The following RNLS variants were observed in gnomAD, a reference collection of about 807,000 sequenced individuals.
RNLS encodes renalase.
A neutral mutation model predicts 39.8 loss-of-function variants in RNLS; 39 were observed. The ratio of observed to expected loss-of-function variants is 0.98; its 90% CI spans 0.76 to 1.28. RNLS has a LOEUF of 1.28. Ranked by LOEUF, RNLS falls within the 50% of genes most tolerant of loss-of-function variation. The probability of loss-of-function intolerance (pLI) is 0.00; values close to 1 mark genes in which losing one functional copy is unlikely to be tolerated. For missense variants in RNLS, 410 were observed against 413.3 expected, an observed-to-expected ratio of 0.99 and a Z score of 0.07; for synonymous variants, 147 against 150.7, an observed-to-expected ratio of 0.98 and a Z score of 0.18.
At chr10:88,221,113 C>G in the RNLS span, among the ~76,000 whole-genome samples, 1 of 152,202 alleles carries the variant, frequency 6.6e-6, no homozygotes, top group Non-Finnish European at 1.5e-5. Context: ...TTGGCATGCC[C>G]TCCTTTCTTC....
At chr10:88,545,602 G>C in intron 4 of RNLS, 1 of 383,096 alleles carries the variant, frequency 2.6e-6, no homozygotes, top group Non-Finnish European at 5.3e-6. Context: ...CCCATGACAC[G>C]TGGGGATTAT....
chr10:88,291,310 A>G (rs1843658073), intron 6 of RNLS, among the ~76,000 whole-genome samples: 1 of 152,164 alleles, frequency 6.6e-6, no homozygotes, highest in African/African-American at 2.4e-5. Flanking sequence ...AGCTCACCCA[A>G]ATGAGCAGCG....
chr10:88,365,031 C>G (rs978833427), intron 4 of RNLS, among the ~76,000 whole-genome samples: 1 of 152,030 alleles, frequency 6.6e-6, no homozygotes, highest in Non-Finnish European at 1.5e-5. Flanking sequence ...CTCCCCACCC[C>G]CCTTTTTGCT....
At chr10:88,367,484 G>A (rs1850216930) in intron 4 of RNLS, among the ~76,000 whole-genome samples, 1 of 152,052 alleles carries the variant, frequency 6.6e-6, no homozygotes, top group Non-Finnish European at 1.5e-5. Flanking sequence ...ATGAACATAG[G>A]GATTGTTTGT....
At chr10:88,277,577 T>C (rs1007929128) in intron 6 of RNLS, among the ~76,000 whole-genome samples, 13 of 152,334 alleles carry the variant, frequency 8.5e-5, no homozygotes, top group African/African-American at 2.9e-4. Flanking sequence ...AGAAGAGTTA[T>C]TGACCTTTGA....
intron 4 of RNLS, among the ~76,000 whole-genome samples, chr10:88,502,301 A>G (rs1244486459): frequency 2.6e-5 from 2 of 76,992 alleles, no homozygotes; most frequent in Non-Finnish European, 4.8e-5. Flanking sequence ...GAGGTGGGGT[A>G]GGGTTGAATG....
intron 5 of RNLS, among the ~76,000 whole-genome samples, chr10:88,350,657 G>A (rs886496821): frequency 5.9e-5 from 9 of 152,150 alleles, no homozygotes; most frequent in African/African-American, 2.2e-4. Flanking sequence ...TTGGTTCCAA[G>A]TCTTTGCTAT....
At chr10:88,347,194 T>G (rs1848365155) in intron 5 of RNLS, among the ~76,000 whole-genome samples, 1 of 152,184 alleles carries the variant, frequency 6.6e-6, no homozygotes, top group Non-Finnish European at 1.5e-5. Flanking sequence ...TCCAGAATGA[T>G]GAAAACCAGG....
intron 6 of RNLS, among the ~76,000 whole-genome samples, chr10:88,275,441 A>G (rs1842780473): frequency 6.6e-6 from 1 of 152,202 alleles, no homozygotes; most frequent in Non-Finnish European, 1.5e-5. Flanking sequence ...ACAAGGGTAA[A>G]AAGAGAAATG....
At chr10:88,529,293 T>C (rs1196537402) in intron 4 of RNLS, among the ~76,000 whole-genome samples, 1 of 152,298 alleles carries the variant, frequency 6.6e-6, no homozygotes, top group Admixed American at 6.5e-5. Context: ...ATAAATTGTA[T>C]AGGGGCAGGT....
At chr10:88,256,559 G>T in the RNLS span, among the ~76,000 whole-genome samples, 1 of 152,146 alleles carries the variant, frequency 6.6e-6, no homozygotes, top group African/African-American at 2.4e-5. Flanking sequence ...TTTCATGCGG[G>T]GTCCGCCCAC....
intron 4 of RNLS, among the ~76,000 whole-genome samples, chr10:88,441,584 T>C (rs553621330): frequency 4.3e-4 from 65 of 152,314 alleles, no homozygotes; most frequent in African/African-American, 1.5e-3. Context: ...ATATTTAGAA[T>C]TAATTCTATT....
At chr10:88,508,664 G>C (rs1216936975) in intron 4 of RNLS, among the ~76,000 whole-genome samples, 1 of 152,090 alleles carries the variant, frequency 6.6e-6, no homozygotes, top group Non-Finnish European at 1.5e-5. Flanking sequence ...GCATTGTTTA[G>C]TGAAGAGTTA....
At chr10:88,310,927 G>A (rs1053699971) in intron 6 of RNLS, among the ~76,000 whole-genome samples, 4 of 150,754 alleles carry the variant, frequency 2.7e-5, no homozygotes, top group African/African-American at 9.7e-5. Context: ...TAATTGTACT[G>A]TACAAGCTTA....
chr10:88,240,591 T>C, the RNLS span, among the ~76,000 whole-genome samples: 2 of 106,234 alleles, frequency 1.9e-5, no homozygotes, highest in African/African-American at 3.1e-5. Context: ...TAATAGACTC[T>C]TTTCTCTTCA....
chr10:88,391,337 A>G (rs1852186053), intron 4 of RNLS, among the ~76,000 whole-genome samples: 1 of 152,134 alleles, frequency 6.6e-6, no homozygotes, highest in Admixed American at 6.6e-5. Flanking sequence ...AGGCCGGTGG[A>G]TCACAAGGTC....
chr10:88,387,975 A>G (rs573484792), intron 4 of RNLS, among the ~76,000 whole-genome samples: 2 of 152,182 alleles, frequency 1.3e-5, no homozygotes, highest in Non-Finnish European at 2.9e-5. Context: ...TGTGGTACAA[A>G]TGAAACCTAT....
At position 88,314,480 on chromosome 10, in the gene RNLS, A is replaced by G. The variant is rs768914433; in HGVS notation, c.862T>C (p.Trp288Arg). 1.2e-6 allele frequency: 2 copies of G among 1,613,872 alleles called. No individual in the cohort carries two copies. The highest frequency in any genetic ancestry group is 4.5e-5 in the East Asian group (2 of 44,876). Residue 288 changes from tryptophan to arginine, a missense_variant, in exon 6 of 7, where the codon TGG (tryptophan) becomes CGG (arginine). Physicochemically the swap from Trp to Arg is moderately radical, Grantham distance 101. Coordinates refer to ENST00000331772, the MANE Select transcript of RNLS (RefSeq NM_001031709.3). ...TCTTTGATTACCTGTGAATGTCTCC[A>G]TTTTTGGCATTTGGTAGCAATTGGC... ...PQPIATKCQK[W>R]RHSQVTNAAA...
At chr10:88,451,186 A>G (rs1401160485) in intron 4 of RNLS, among the ~76,000 whole-genome samples, 1 of 152,184 alleles carries the variant, frequency 6.6e-6, no homozygotes, top group African/African-American at 2.4e-5. Context: ...CATTCATTAG[A>G]GGTCTGCCTA....
Sources: gnomAD v4.1 joint callset for allele counts (sites outside exome capture counted in the v4.1 genomes callset) on GRCh38, gnomAD v4.1.1 for gene constraint, MANE v1.5 for transcripts, NCBI Gene and HGNC (gene_info 2026-07-23, HGNC 2026-07-21) for gene names.